The following EPHA6 variants were observed in gnomAD, a reference collection of about 807,000 sequenced individuals.
EPHA6 encodes ephrin type-A receptor 6.
Under a neutral mutation model 112.0 loss-of-function variants are expected in EPHA6, and 50 were observed. The ratio of observed to expected loss-of-function variants is 0.45; its 90% CI spans 0.36 to 0.56. EPHA6 has a LOEUF of 0.56. EPHA6 is among the 20% of genes least tolerant of loss of function. The pLI is 0.00. For synonymous variants in EPHA6, 529 were observed against 490.7 expected, an observed-to-expected ratio of 1.08 and a Z score of -1.03; for missense variants, 1,280 against 1,417.4, an observed-to-expected ratio of 0.90 and a Z score of 1.56.
At chr3:97,362,399 T>C (rs1265540672) in intron 5 of EPHA6, among the ~76,000 whole-genome samples, 1 of 152,078 alleles carries the variant, frequency 6.6e-6, no homozygotes, top group Non-Finnish European at 1.5e-5. Flanking sequence ...ACACCTCACA[T>C]GCGATATTTA....
intron 14 of EPHA6, among the ~76,000 whole-genome samples, chr3:97,718,603 G>T (rs1204439203): frequency 6.6e-6 from 1 of 151,780 alleles, no homozygotes; most frequent in South Asian, 2.1e-4. Context: ...ATTTTATCTG[G>T]CTACCCTACT....
chr3:97,392,826 C>T lies in EPHA6; in HGVS notation c.1607-12324C>T, dbSNP rs141499962. ...CTTTAAAATAGCTTTTCAATTAGCT[C>T]TTTTTTTTTCTGTACTTGGAACATG... On this transcript the variant is annotated intron_variant, in intron 5 of 17. Transcript: ENST00000389672. Among the ~76,000 whole-genome samples the T allele has an allele frequency of 1.7e-4, 26 of 150,552 alleles. No individual in the cohort carries two copies. In the East Asian group the frequency reaches 4.9e-3, roughly 28 times the overall value.
At chr3:96,996,757 A>G (rs112148645) in intron 3 of EPHA6, among the ~76,000 whole-genome samples, 4 of 152,230 alleles carry the variant, frequency 2.6e-5, no homozygotes, top group Non-Finnish European at 2.9e-5. Context: ...TGGGCAGAGT[A>G]GATTTATCAT....
At chr3:96,884,650 C>T (rs893250700) in intron 2 of EPHA6, among the ~76,000 whole-genome samples, 6 of 152,178 alleles carry the variant, frequency 3.9e-5, no homozygotes, top group East Asian at 1.9e-4. Flanking sequence ...TCAAGGTAAA[C>T]GATCATATTG....
chr3:96,926,517 GAGACA>G (rs765408480), intron 2 of EPHA6, among the ~76,000 whole-genome samples: 1 of 152,136 alleles, frequency 6.6e-6, no homozygotes, highest in Non-Finnish European at 1.5e-5. Context: ...AGTCTCATCT[GAGACA>G]AGACAAGTTC....
rs141785629 is a variant in EPHA6 at position 97,732,556 on chromosome 3, G to T, written c.2935-3369G>T. Among the ~76,000 whole-genome samples the T allele has an allele frequency of 2.2e-3, 329 of 152,094 alleles. 2 individuals are homozygous for T. The highest frequency in any genetic ancestry group is 7.6e-3 in the African/African-American group (316 of 41,514). On this transcript the variant is annotated intron_variant, in intron 15 of 17. Coordinates refer to ENST00000389672, the MANE Select transcript of EPHA6 (RefSeq NM_001080448.3). The stretch of plus-strand genomic sequence containing the variant: ...TTTGGATGAATAAATTTAAAAATCT[G>T]TTAGAAACATATATCTTTTAAGCAA...
intron 3 of EPHA6, among the ~76,000 whole-genome samples, chr3:97,044,863 C>CT (rs1007181075): frequency 3.3e-5 from 5 of 151,886 alleles, no homozygotes; most frequent in Non-Finnish European, 5.9e-5. Flanking sequence ...TGGTCACCAA[C>CT]TTTTTTTAAA....
In EPHA6 at chr3:96,987,917, TGATG is replaced by T; in HGVS notation, c.1041_1044del (p.Asp347GlufsTer48). 1 of 1,613,820 alleles carries T rather than the reference TGATG, an allele frequency of 6.2e-7. No homozygotes were observed. The highest frequency in any genetic ancestry group is 8.5e-7 in the Non-Finnish European group (1 of 1,179,772). ...ACACTCCTAAACTGTATTGTGGAGC[TGATG>T]GAGATTGGCTGGTTCCTCTTGGAAG... On this transcript the variant is annotated frameshift_variant, in exon 3 of 18. Transcript: ENST00000389672. LOFTEE classifies it high-confidence loss of function.
chr3:97,155,215 T>C (rs1338870037), intron 3 of EPHA6, among the ~76,000 whole-genome samples: 2 of 152,150 alleles, frequency 1.3e-5, no homozygotes, highest in Non-Finnish European at 2.9e-5. Flanking sequence ...AATGTTCTAT[T>C]TTACAATACT....
At position 96,831,018 on chromosome 3, in the gene EPHA6, G is replaced by A. The variant is rs1241045507; in HGVS notation, c.385+16010G>A. On this transcript the variant is annotated intron_variant, in intron 1 of 17. Coordinates refer to ENST00000389672, the MANE Select transcript of EPHA6 (RefSeq NM_001080448.3). ...ACACATATATGCTTCAAAAAATAAT[G>A]TTGTACATGATAAATACAATTTTAT... Among the ~76,000 whole-genome samples, 4 of 151,946 alleles carry A rather than the reference G, an allele frequency of 2.6e-5. No individual in the cohort carries two copies. In the South Asian group the frequency reaches 8.3e-4, roughly 31 times the overall value.
At chr3:97,698,163 C>G (rs902209334) in intron 14 of EPHA6, among the ~76,000 whole-genome samples, 8 of 152,026 alleles carry the variant, frequency 5.3e-5, no homozygotes, top group Non-Finnish European at 1.2e-4. Context: ...CCACCATGCC[C>G]GGCTAATTTT....
intron 10 of EPHA6, among the ~76,000 whole-genome samples, chr3:97,514,893 C>A (rs1378488304): frequency 1.3e-5 from 2 of 152,134 alleles, no homozygotes; most frequent in Non-Finnish European, 2.9e-5. Flanking sequence ...CTAGCACTTC[C>A]CAATCATCGG....
chr3:97,557,535 T>C (rs1053586785), intron 11 of EPHA6, among the ~76,000 whole-genome samples: 7 of 151,946 alleles, frequency 4.6e-5, no homozygotes, highest in African/African-American at 1.7e-4. Context: ...TCTTATATGT[T>C]CCCGATATAT....
intron 3 of EPHA6, among the ~76,000 whole-genome samples, chr3:97,173,262 A>T (rs112323982): frequency 6.6e-6 from 1 of 151,978 alleles, no homozygotes; most frequent in African/African-American, 2.4e-5. Flanking sequence ...AATATGATTT[A>T]CATTAAATGT....
chr3:97,009,361 C>T (rs923868746), intron 3 of EPHA6, among the ~76,000 whole-genome samples: 4 of 152,140 alleles, frequency 2.6e-5, no homozygotes, highest in African/African-American at 7.2e-5. Context: ...AGGATGGGTC[C>T]GGGTTAGACC....
At chr3:97,243,663 CAA>C (rs937792238) in intron 4 of EPHA6, among the ~76,000 whole-genome samples, 4 of 151,582 alleles carry the variant, frequency 2.6e-5, no homozygotes, top group African/African-American at 9.7e-5. Flanking sequence ...TATTTTCAGT[CAA>C]GTTTAAAAGG....
At chr3:97,128,659 C>T (rs542065650) in intron 3 of EPHA6, among the ~76,000 whole-genome samples, 1 of 152,014 alleles carries the variant, frequency 6.6e-6, no homozygotes, top group South Asian at 2.1e-4. Flanking sequence ...GAACCGCAGG[C>T]ACAGAGCCAC....
chr3:97,099,053 A>G (rs2047329095), intron 3 of EPHA6, among the ~76,000 whole-genome samples: 1 of 151,994 alleles, frequency 6.6e-6, no homozygotes, highest in Admixed American at 6.6e-5. Context: ...ATATATTTGT[A>G]GAAGTAGTCA....
At chr3:97,272,878 A>T (rs192368808) in intron 5 of EPHA6, among the ~76,000 whole-genome samples, 1 of 152,208 alleles carries the variant, frequency 6.6e-6, no homozygotes, top group East Asian at 1.9e-4. Flanking sequence ...TGTCTTCTTA[A>T]ATTAATAATA....
Sources: allele counts gnomAD v4.1 joint callset (sites outside exome capture counted in the v4.1 genomes callset), GRCh38; gene constraint gnomAD v4.1.1; transcripts MANE v1.5; gene names NCBI Gene and HGNC (gene_info 2026-07-23, HGNC 2026-07-21).